The following PTPRD variants were observed in gnomAD, a reference collection of about 807,000 sequenced individuals.
PTPRD encodes protein tyrosine phosphatase receptor type D.
In PTPRD, 34 loss-of-function variants were observed where a neutral mutation model predicts 214.5. That is an observed-to-expected ratio of 0.16 (90% CI 0.12 to 0.21). The LOEUF is 0.21. Ranked by LOEUF, PTPRD falls within the 10% of genes least tolerant of loss-of-function variation. The pLI, the probability that PTPRD is intolerant of heterozygous loss-of-function variation, is 1.00. For missense variants in PTPRD, 2,545 were observed against 2,398.7 expected (o/e 1.06, Z -1.27); for synonymous variants, 1,128 against 845.7 (o/e 1.33, Z -5.79).
chr9:10,285,616 T>TTA (rs1191466192), intron 3 of PTPRD, among the ~76,000 whole-genome samples: 2 of 146,110 alleles, frequency 1.4e-5, no homozygotes, highest in African/African-American at 5.1e-5. Context: ...TTTTTTTTTT[T>TTA]TTTTTTTTTT....
In PTPRD at chr9:9,270,118, T is replaced by C. The variant is rs1490797141; in HGVS notation, c.-202-86755A>G. Among the ~76,000 whole-genome samples the C allele has an allele frequency of 5.3e-5, 8 of 151,232 alleles. No individual in the cohort carries two copies. The East Asian group carries it at 1.2e-3, about 22-fold the overall frequency. The stretch of plus-strand genomic sequence containing the variant: ...ACAAAAAGGTAACTAGGTGAGTTGA[T>C]AGATATGTTAGGTAGCTTAATTGTG... On this transcript the variant is annotated intron_variant, in intron 9 of 45. Coordinates refer to ENST00000381196, the MANE Select transcript of PTPRD (RefSeq NM_002839.4).
At chr9:8,778,022 T>C (rs1024910434) in intron 11 of PTPRD, among the ~76,000 whole-genome samples, 1 of 152,208 alleles carries the variant, frequency 6.6e-6, no homozygotes, top group African/African-American at 2.4e-5. Flanking sequence ...GATTGGTTAC[T>C]TGCTTTCTCA....
chr9:8,535,735 A>T (rs1028606925), intron 14 of PTPRD, among the ~76,000 whole-genome samples: 8 of 151,928 alleles, frequency 5.3e-5, no homozygotes, highest in African/African-American at 1.9e-4. Flanking sequence ...TTTTCATCTC[A>T]AAAGTTTCTT....
chr9:9,504,629 A>G (rs2096527809), intron 8 of PTPRD, among the ~76,000 whole-genome samples: 1 of 151,694 alleles, frequency 6.6e-6, no homozygotes. Context: ...TTCTTTCAAC[A>G]TAGTACTAAA....
At chr9:9,542,914 T>A (rs897087381) in intron 8 of PTPRD, among the ~76,000 whole-genome samples, 7 of 151,732 alleles carry the variant, frequency 4.6e-5, no homozygotes, top group Non-Finnish European at 8.9e-5. Flanking sequence ...GCTTGCCACT[T>A]CGTTATAAAG....
chr9:9,735,907 C>G (rs575255344), intron 6 of PTPRD, among the ~76,000 whole-genome samples: 2 of 152,182 alleles, frequency 1.3e-5, no homozygotes, highest in South Asian at 4.2e-4. Flanking sequence ...GAAATGTATA[C>G]AGCTCAATAA....
intron 8 of PTPRD, among the ~76,000 whole-genome samples, chr9:9,476,955 G>A (rs1028336071): frequency 2.0e-5 from 3 of 151,982 alleles, no homozygotes; most frequent in African/African-American, 4.8e-5. Flanking sequence ...GGGTAGTCTC[G>A]AACTCCCAAC....
chr9:10,027,921 T>G (rs2096960441), intron 4 of PTPRD, among the ~76,000 whole-genome samples: 1 of 152,222 alleles, frequency 6.6e-6, no homozygotes, highest in Non-Finnish European at 1.5e-5. Context: ...ACTGATGAAT[T>G]TTAAACATGG....
At chr9:10,332,057 T>C (rs140960282) in intron 3 of PTPRD, among the ~76,000 whole-genome samples, 1 of 151,870 alleles carries the variant, frequency 6.6e-6, no homozygotes, top group Non-Finnish European at 1.5e-5. Flanking sequence ...GATTCTATAA[T>C]GCATTTATTT....
At chr9:10,599,924 T>C (rs2077544023) in intron 2 of PTPRD, among the ~76,000 whole-genome samples, 1 of 151,754 alleles carries the variant, frequency 6.6e-6, no homozygotes, top group Non-Finnish European at 1.5e-5. Context: ...AAAGAAGCAG[T>C]CTCCCAATAT....
chr9:9,991,744 C>T (rs1205002366), intron 4 of PTPRD, among the ~76,000 whole-genome samples: 3 of 152,014 alleles, frequency 2.0e-5, no homozygotes, highest in Non-Finnish European at 4.4e-5. Context: ...CCAAAGGTCT[C>T]ATATTCACAA....
chr9:8,625,435 T>G (rs913280620), intron 14 of PTPRD, among the ~76,000 whole-genome samples: 3 of 151,814 alleles, frequency 2.0e-5, no homozygotes, highest in African/African-American at 7.2e-5. Flanking sequence ...TGCCGATACT[T>G]AGAAAGGTAG....
intron 5 of PTPRD, among the ~76,000 whole-genome samples, chr9:9,912,338 CAA>C (rs1337955857): frequency 1.3e-5 from 2 of 151,978 alleles, no homozygotes; most frequent in Non-Finnish European, 2.9e-5. Flanking sequence ...AACATTTGTC[CAA>C]AATTTAGAGT....
At chr9:10,085,764 G>A (rs2098327295) in intron 3 of PTPRD, among the ~76,000 whole-genome samples, 1 of 151,802 alleles carries the variant, frequency 6.6e-6, no homozygotes, top group African/African-American at 2.4e-5. Flanking sequence ...TGAAACACAA[G>A]TAGGTGAAAC....
chr9:9,810,906 T>C (rs1005803381), intron 5 of PTPRD, among the ~76,000 whole-genome samples: 2 of 151,484 alleles, frequency 1.3e-5, no homozygotes, highest in African/African-American at 4.9e-5. Context: ...AGTAAGAACA[T>C]TTGTGATTCA....
chr9:9,492,644 A>G (rs1035893537), intron 8 of PTPRD, among the ~76,000 whole-genome samples: 9 of 152,050 alleles, frequency 5.9e-5, no homozygotes, highest in Admixed American at 4.6e-4. Context: ...AACTAGAAGG[A>G]AAGTATTCCA....
At chr9:9,255,485 AT>A (rs2099977335) in intron 9 of PTPRD, among the ~76,000 whole-genome samples, 1 of 152,078 alleles carries the variant, frequency 6.6e-6, no homozygotes, top group Admixed American at 6.6e-5. Flanking sequence ...CTCTAAAACC[AT>A]TCCACTAATA....
At chr9:10,464,632 A>C (rs2131425252) in intron 2 of PTPRD, among the ~76,000 whole-genome samples, 1 of 152,266 alleles carries the variant, frequency 6.6e-6, no homozygotes, top group Non-Finnish European at 1.5e-5. Context: ...AAATTATAAT[A>C]GAAATGCATA....
intron 2 of PTPRD, among the ~76,000 whole-genome samples, chr9:10,509,581 T>TATA (rs1566622187): frequency 8.5e-5 from 5 of 58,970 alleles, no homozygotes; most frequent in African/African-American, 3.0e-4. Context: ...ATATATATAT[T>TATA]TTACTCACTT....
Sources: gnomAD v4.1 joint callset for allele counts (sites outside exome capture counted in the v4.1 genomes callset) on GRCh38, gnomAD v4.1.1 for gene constraint, MANE v1.5 for transcripts, NCBI Gene and HGNC (gene_info 2026-07-23, HGNC 2026-07-21) for gene names.